Variants in WDPCP observed in about 807,000 individuals in gnomAD.
The protein encoded by WDPCP is WD repeat-containing and planar cell polarity effector protein fritz homolog.
Under a neutral mutation model 93.1 loss-of-function variants are expected in WDPCP, and 71 were observed. The observed-to-expected ratio is 0.76, with a 90% CI of 0.63 to 0.93. WDPCP has a LOEUF of 0.93. WDPCP is among the 40% of genes least tolerant of loss of function. The probability of loss-of-function intolerance (pLI) is 0.00; values close to 1 mark genes in which losing one functional copy is unlikely to be tolerated. For synonymous variants in WDPCP, 315 were observed against 315.0 expected (o/e 1.00, Z 0.00); for missense variants, 844 against 887.4 (o/e 0.95, Z 0.62).
Position 63,569,181 on chromosome 2 carries a change from G to A in WDPCP, c.75+19016C>T, listed in dbSNP as rs144276795. Among the ~76,000 whole-genome samples, 48 of 152,206 alleles carry A rather than the reference G, an allele frequency of 3.2e-4. No homozygotes were observed. In the East Asian group the frequency reaches 7.5e-3, roughly 24 times the overall value. On this transcript the variant is annotated intron_variant, in intron 1 of 17. Coordinates refer to ENST00000272321, the MANE Select transcript of WDPCP (RefSeq NM_015910.7). ...ACAAAGAAACAAGCTGCAGAAAAACGCTAATTTCTATAAAATTCAAAAATG... is the reference window on the plus strand; with the variant it reads ...ACAAAGAAACAAGCTGCAGAAAAACACTAATTTCTATAAAATTCAAAAATG...
intron 1 of WDPCP, among the ~76,000 whole-genome samples, chr2:63,570,987 C>A (rs1707452231): frequency 1.3e-5 from 2 of 151,852 alleles, no homozygotes; most frequent in South Asian, 2.1e-4. Flanking sequence ...CTCACTGCAA[C>A]CTCCGCCTCT....
chr2:63,821,555 C>T (rs1558919128), intron 1 of WDPCP, among the ~76,000 whole-genome samples: 1 of 152,032 alleles, frequency 6.6e-6, no homozygotes, highest in Non-Finnish European at 1.5e-5. Context: ...GACGTGGAAG[C>T]TTTGTAAGCA....
chr2:63,232,183 AG>A (rs1678963689), intron 14 of WDPCP, among the ~76,000 whole-genome samples: 1 of 152,248 alleles, frequency 6.6e-6, no homozygotes, highest in East Asian at 1.9e-4. Flanking sequence ...AATTAATTCA[AG>A]ATGGATTAAA....
intron 3 of WDPCP, among the ~76,000 whole-genome samples, chr2:63,638,936 G>T (rs1296561146): frequency 2.6e-5 from 4 of 152,082 alleles, no homozygotes; most frequent in Non-Finnish European, 5.9e-5. Flanking sequence ...AGAAAACAGG[G>T]ATATCATTAT....
rs928108687 is a variant in WDPCP, at chr2:63,411,984, A to G, written c.826-7327T>C. Reference sequence around the variant, plus strand: ...AATTGGTACCAATCCTTTTGATACTACTCCACAAGATAGAGAAAGGAACAA... The same window carrying G: ...AATTGGTACCAATCCTTTTGATACTGCTCCACAAGATAGAGAAAGGAACAA... On this transcript the variant is annotated intron_variant, in intron 9 of 17. Transcript: ENST00000272321. Among the ~76,000 whole-genome samples, 89 of 152,192 alleles carry G rather than the reference A, an allele frequency of 5.8e-4. 1 individual carries two copies. Among genetic ancestry groups the G allele is most frequent in the African/African-American group, 2.1e-3 (87 of 41,546 alleles).
intron 1 of WDPCP, among the ~76,000 whole-genome samples, chr2:63,817,758 AGAGT>A (rs777408757): frequency 1.6e-4 from 24 of 152,322 alleles, no homozygotes; most frequent in Non-Finnish European, 2.8e-4. Flanking sequence ...GATGACAGCA[AGAGT>A]GAGGGGGAAA....
At chr2:63,375,905 T>A (rs1323737670) in intron 12 of WDPCP, among the ~76,000 whole-genome samples, 2 of 151,930 alleles carry the variant, frequency 1.3e-5, no homozygotes, top group Non-Finnish European at 2.9e-5. Flanking sequence ...TGGGGCAACT[T>A]TTCCTCATCT....
At chr2:63,233,017 C>T (rs1334025878) in intron 14 of WDPCP, 3 of 158,342 alleles carry the variant, frequency 1.9e-5, no homozygotes, top group South Asian at 1.8e-4. Flanking sequence ...ATCTGAGCAG[C>T]CCCCCATGTT....
At chr2:63,823,392 G>T (rs1671055365) in intron 1 of WDPCP, among the ~76,000 whole-genome samples, 1 of 152,018 alleles carries the variant, frequency 6.6e-6, no homozygotes, top group Admixed American at 6.6e-5. Context: ...TGTAGTCCCA[G>T]CTACTCAGGA....
At chr2:63,515,998 C>T (rs983548209) in intron 1 of WDPCP, among the ~76,000 whole-genome samples, 32 of 149,254 alleles carry the variant, frequency 2.1e-4, no homozygotes, top group Non-Finnish European at 3.5e-4. Context: ...CCAGCCTGTG[C>T]GATACAGCCA....
intron 3 of WDPCP, among the ~76,000 whole-genome samples, chr2:63,608,675 T>TG (rs1709581440): frequency 6.6e-6 from 1 of 152,034 alleles, no homozygotes; most frequent in African/African-American, 2.4e-5. Context: ...CTGAGTGCAG[T>TG]GGTGGATTCC....
At chr2:63,701,188 G>A (rs1380980582) in intron 2 of WDPCP, among the ~76,000 whole-genome samples, 1 of 152,036 alleles carries the variant, frequency 6.6e-6, no homozygotes, top group African/African-American at 2.4e-5. Context: ...TTAAAAATGG[G>A]CAAAAGATCT....
chr2:63,656,252 CCCAATTCCA>C (rs1710164378), intron 2 of WDPCP, among the ~76,000 whole-genome samples: 1 of 152,162 alleles, frequency 6.6e-6, no homozygotes. Context: ...TGTCTACTTC[CCCAATTCCA>C]GTGAAGAGTG....
intron 3 of WDPCP, chr2:63,622,172 T>G (rs1709747941): frequency 1.3e-6 from 2 of 1,585,502 alleles, no homozygotes; most frequent in Non-Finnish European, 1.7e-6. Flanking sequence ...GGTGGTGGGC[T>G]GGCTACACAA....
At chr2:63,657,208 T>TTTG (rs1710177948) in intron 2 of WDPCP, among the ~76,000 whole-genome samples, 1 of 144,902 alleles carries the variant, frequency 6.9e-6, no homozygotes, top group Admixed American at 6.8e-5. Flanking sequence ...GGGTGATGTT[T>TTTG]TTTTTTTTTT....
chr2:63,356,334 AC>A (rs1558511699), intron 12 of WDPCP, among the ~76,000 whole-genome samples: 1 of 152,226 alleles, frequency 6.6e-6, no homozygotes, highest in Non-Finnish European at 1.5e-5. Context: ...ATAGTGGGAC[AC>A]TTCAACACTC....
chr2:63,780,463 C>G (rs938248658), intron 2 of WDPCP, among the ~76,000 whole-genome samples: 1 of 152,148 alleles, frequency 6.6e-6, no homozygotes, highest in African/African-American at 2.4e-5. Flanking sequence ...TACTCCTTAC[C>G]AGAAGGATAC....
intron 14 of WDPCP, among the ~76,000 whole-genome samples, chr2:63,178,608 G>GTA (rs1673996904): frequency 6.6e-6 from 1 of 150,934 alleles, no homozygotes; most frequent in East Asian, 1.9e-4. Context: ...TTTTTAATTA[G>GTA]TATACCTAAT....
At chr2:63,373,676 TATTTTCC>T (rs967068298) in intron 12 of WDPCP, among the ~76,000 whole-genome samples, 3 of 152,198 alleles carry the variant, frequency 2.0e-5, no homozygotes, top group African/African-American at 7.2e-5. Context: ...GTGTGTTTTC[TATTTTCC>T]ATCTTTTTTC....
Sources: allele counts gnomAD v4.1 joint callset (sites outside exome capture counted in the v4.1 genomes callset), GRCh38; gene constraint gnomAD v4.1.1; transcripts MANE v1.5; gene names NCBI Gene and HGNC (gene_info 2026-07-23, HGNC 2026-07-21).